DNTTIP2: variants seen among roughly 807,000 people sequenced by gnomAD.
DNTTIP2 encodes deoxynucleotidyltransferase terminal interacting protein 2.
DNTTIP2 carries 47 observed loss-of-function variants against 62.4 expected under a neutral mutation model. The observed-to-expected ratio is 0.75, with a 90% CI of 0.60 to 0.96. DNTTIP2 has a LOEUF of 0.96. Ranked by LOEUF, DNTTIP2 falls within the 40% of genes least tolerant of loss-of-function variation. The pLI, the probability that DNTTIP2 is intolerant of heterozygous loss-of-function variation, is 0.00. For missense variants in DNTTIP2, 870 were observed against 849.1 expected, an observed-to-expected ratio of 1.02 and a Z score of -0.31; for synonymous variants, 322 against 300.9, an observed-to-expected ratio of 1.07 and a Z score of -0.73.
At position 93,875,431 on chromosome 1, in the gene DNTTIP2, GGAACACTGACCCTGTATT is replaced by G. The variant is rs1278617195; in HGVS notation, c.1806+196_1806+213del. Among the ~76,000 whole-genome samples, 5 of 152,108 alleles carry G rather than the reference GGAACACTGACCCTGTATT, an allele frequency of 3.3e-5. 1 individual carries two copies. The highest frequency in any genetic ancestry group is 7.3e-5 in the Non-Finnish European group (5 of 68,030). On this transcript the variant is annotated intron_variant, in intron 3 of 6. Coordinates refer to ENST00000436063, the MANE Select transcript of DNTTIP2 (RefSeq NM_014597.5). ...ATCATAATTGGTGGGTGTAAGATGA[GGAACACTGACCCTGTATT>G]GATTTATTTTTAAAGCATTATCATT... is the stretch of plus-strand genomic sequence containing the variant.
rs770091537 is a variant in DNTTIP2, at chr1:93,876,449, CAGG to C, written c.1483_1485del (p.Pro495del). The C allele has an allele frequency of 6.2e-6, 10 of 1,613,684 alleles. No homozygotes were observed. In the East Asian group the frequency reaches 1.1e-4, roughly 18 times the overall value. Reference sequence around the variant, plus strand: ...TAAAAATTTTTATCAGCACTCATTCCAGGAGTTGTGTCAATTACAAACAATGCA... The same window carrying C: ...TAAAAATTTTTATCAGCACTCATTCCAGTTGTGTCAATTACAAACAATGCA... On this transcript the variant is annotated inframe_deletion, in exon 2 of 7. Coordinates refer to ENST00000436063, the MANE Select transcript of DNTTIP2 (RefSeq NM_014597.5).
intron 3 of DNTTIP2, chr1:93,873,430 A>C (rs1351611202): frequency 1.2e-4 from 32 of 277,056 alleles, no homozygotes; most frequent in Non-Finnish European, 1.8e-4. Flanking sequence ...TGACTGTAAA[A>C]AAAAAAAAAA....
intron 5 of DNTTIP2, among the ~76,000 whole-genome samples, chr1:93,871,402 T>C (rs181612372): frequency 3.4e-4 from 52 of 152,334 alleles, no homozygotes; most frequent in African/African-American, 1.2e-3. Flanking sequence ...AAGTGACCAA[T>C]TGTACCTAAG....
At position 93,877,325 on chromosome 1, in the gene DNTTIP2, T is replaced by C. The variant is rs747258897; in HGVS notation, c.610A>G (p.Arg204Gly). The change falls in exon 2 of 7, where the codon AGG (arginine) becomes GGG (glycine). Residue 204 changes from arginine to glycine, a missense_variant. Physicochemically the swap from Arg to Gly is moderately radical, Grantham distance 125. Transcript: ENST00000436063. ...GCCTTTAATTTCCTCTGCATACTCCTGGTTCTTCTAGTTGCAATTCCAGAG... is the reference window on the plus strand; with the variant it reads ...GCCTTTAATTTCCTCTGCATACTCCCGGTTCTTCTAGTTGCAATTCCAGAG... The part of the protein sequence containing the change: ...SFSGIATRRT[R>G]SMQRKLKAQT... 1.2e-6 allele frequency: 2 copies of C among 1,613,718 alleles called. No homozygotes were observed. Among genetic ancestry groups the C allele is most frequent in the Non-Finnish European group, 1.7e-6 (2 of 1,179,838 alleles).
rs1488413254 is a variant in DNTTIP2, at chr1:93,869,777, G to T, written c.*74C>A. ...CTATGGTAAATTAATTTAGATGATG[G>T]TGTTAGTTTTCCAAACGTCTTTAAT... On this transcript the variant is annotated 3_prime_UTR_variant, in exon 7 of 7. Transcript: ENST00000436063. 1.4e-6 allele frequency: 1 copy of T among 722,610 alleles called. No homozygotes were observed. The highest frequency in any genetic ancestry group is 2.5e-5 in the East Asian group (1 of 39,852). The allele number at this position is 722,610 out of a possible 1,614,324, so 44.8% of individuals were successfully genotyped here.
intron 1 of DNTTIP2, among the ~76,000 whole-genome samples, chr1:93,878,175 G>A (rs1283455059): frequency 1.3e-5 from 2 of 152,006 alleles, no homozygotes; most frequent in Non-Finnish European, 1.5e-5. Flanking sequence ...GTGTTGGTGC[G>A]CACCTGTAAT....
chr1:93,873,109 C>T lies in DNTTIP2; in HGVS notation c.1902+10G>A. 6.3e-7 allele frequency: 1 copy of T among 1,578,904 alleles called. No homozygotes were observed. Among genetic ancestry groups the T allele is most frequent in the Non-Finnish European group, 8.7e-7 (1 of 1,152,258 alleles). ...ATATCTAAGCATTTTAATTAAGTCA[C>T]TGTACTTACTCTGCGTTTTTTCTGA... On this transcript the variant is annotated intron_variant, in intron 4 of 6. Coordinates refer to ENST00000436063, the MANE Select transcript of DNTTIP2 (RefSeq NM_014597.5).
Position 93,879,071 on chromosome 1 carries a change from TCCTA to T in DNTTIP2, c.72+2_72+5del. 6.2e-7 allele frequency: 1 copy of T among 1,613,586 alleles called. No homozygotes were observed. The highest frequency in any genetic ancestry group is 8.5e-7 in the Non-Finnish European group (1 of 1,179,854). On this transcript the variant is annotated splice_donor_variant and splice_donor_5th_base_variant and intron_variant, in intron 1 of 6. Transcript: ENST00000436063. LOFTEE classifies it high-confidence loss of function. ...GGCGAGAAGTAGGGAAGACTGGATT[TCCTA>T]CCTTTTGCCCGGAACTTTCAGCCGA...
rs2100881479 is a variant in DNTTIP2 at position 93,869,667 on chromosome 1, T to TA, written c.*183dup. On this transcript the variant is annotated 3_prime_UTR_variant, in exon 7 of 7. Transcript: ENST00000436063. ...AGAGTCTACACCAGGGTGGGTCTTT[T>TA]AGACACCCCTATTTTCTAAGGGCAT... is the stretch of plus-strand genomic sequence containing the variant. 2 of 533,156 alleles carry TA rather than the reference T, an allele frequency of 3.8e-6. No homozygotes were observed. The highest frequency in any genetic ancestry group is 6.9e-6 in the Non-Finnish European group (2 of 291,394). The allele number at this position is 533,156 out of a possible 1,614,324, so 33.0% of individuals were successfully genotyped here. A position where few individuals can be genotyped will look rare whatever the true frequency, so the allele number is the denominator to read the frequency against.
chr1:93,870,587 ATAAAT>A, intron 6 of DNTTIP2, 91 bp downstream of exon 6: 1 of 600,016 alleles, frequency 1.7e-6, no homozygotes, highest in Non-Finnish European at 2.7e-6. Context: ...ATGGGTTATT[ATAAAT>A]GAGTTATTTT....
At position 93,876,898 on chromosome 1, in the gene DNTTIP2, T is replaced by C. The variant is rs1656025671; in HGVS notation, c.1037A>G (p.Asn346Ser). 6.2e-7 allele frequency: 1 copy of C among 1,613,764 alleles called. No homozygotes were observed. The highest frequency in any genetic ancestry group is 1.7e-5 in the Admixed American group (1 of 59,996). Residue 346 changes from asparagine to serine, a missense_variant, in exon 2 of 7, where the codon AAT becomes AGT. Physicochemically the swap from Asn to Ser is conservative, Grantham distance 46. Coordinates refer to ENST00000436063, the MANE Select transcript of DNTTIP2 (RefSeq NM_014597.5). ...CAGATTAGAGTGCACTGATACAGCATTTTTATTTTGGGGGGTTGAATGTCT... is the reference window on the plus strand; with the variant it reads ...CAGATTAGAGTGCACTGATACAGCACTTTTATTTTGGGGGGTTGAATGTCT... The part of the protein sequence containing the change: ...SQRHSTPQNK[N>S]AVSVHSNLNS...
At position 93,879,156 on chromosome 1, in the gene DNTTIP2, G is replaced by A. The variant is rs367991817; in HGVS notation, c.-8C>T. On this transcript the variant is annotated 5_prime_UTR_variant, in exon 1 of 7. Transcript: ENST00000436063. ...AGATCTGGTAACCACCATCTTTCCGGCTCCCTCGCGACCACCACGACTTCC... is the reference window on the plus strand; with the variant it reads ...AGATCTGGTAACCACCATCTTTCCGACTCCCTCGCGACCACCACGACTTCC... 1.6e-4 allele frequency: 264 copies of A among 1,611,476 alleles called. No homozygotes were observed. The highest frequency in any genetic ancestry group is 9.2e-4 in the South Asian group (84 of 90,992).
At position 93,868,657 on chromosome 1, in the gene DNTTIP2, C is replaced by CG. The variant is rs1432435147; in HGVS notation, c.*1193_*1194insC. 1 of 152,208 alleles carries CG rather than the reference C, an allele frequency of 6.6e-6. No individual in the cohort carries two copies. The highest frequency in any genetic ancestry group is 1.9e-4 in the East Asian group (1 of 5,198). The allele number at this position is 152,208 out of a possible 1,614,324, so 9.4% of individuals were successfully genotyped here. A position where few individuals can be genotyped will look rare whatever the true frequency, so the allele number is the denominator to read the frequency against. On this transcript the variant is annotated 3_prime_UTR_variant, in exon 7 of 7. Coordinates refer to ENST00000436063, the MANE Select transcript of DNTTIP2 (RefSeq NM_014597.5). ...TGTGGCACATATACACCATGGAATA[C>CG]TATGTGGCCATAAAAAAGCATGAGT... is the stretch of plus-strand genomic sequence containing the variant.
intron 1 of DNTTIP2, among the ~76,000 whole-genome samples, 173 bp from the exon 2 acceptor site, chr1:93,878,035 G>A (rs1390395820): frequency 2.0e-5 from 3 of 152,136 alleles, no homozygotes; most frequent in African/African-American, 7.2e-5. Context: ...GGCCGGGCGC[G>A]GTGGCTTACG....
chr1:93,866,296 A>G lies in DNTTIP2; in HGVS notation c.*3555T>C, dbSNP rs1655723612. ...GTGACAATGAGAATAATTGCACTTT[A>G]CATTTTAATTAGACAGATGCTTGGG... On this transcript the variant is annotated 3_prime_UTR_variant, in exon 7 of 7. Transcript: ENST00000436063. 3 of 152,232 alleles carry G rather than the reference A, an allele frequency of 2.0e-5. No homozygotes were observed. The highest frequency in any genetic ancestry group is 2.0e-4 in the Admixed American group (3 of 15,288). The allele number at this position is 152,232 out of a possible 1,614,324, so 9.4% of individuals were successfully genotyped here.
rs761311700 is a variant in DNTTIP2, at chr1:93,875,814, G to A, written c.1668-31C>T. 1.2e-5 allele frequency: 19 copies of A among 1,584,156 alleles called. No individual in the cohort carries two copies. In the Admixed American group the frequency reaches 3.2e-4, roughly 26 times the overall value. On this transcript the variant is annotated intron_variant, in intron 2 of 6. Coordinates refer to ENST00000436063, the MANE Select transcript of DNTTIP2 (RefSeq NM_014597.5). ...AAAGAAATCATCACTTAAAGATCAA[G>A]TAATTAAATCAAAATGGAAACATAT...
rs763929480 is a variant in DNTTIP2 at position 93,876,516 on chromosome 1, C to T, written c.1419G>A (p.Glu473=). 6.2e-7 allele frequency: 1 copy of T among 1,613,974 alleles called. No individual in the cohort carries two copies. Among genetic ancestry groups the T allele is most frequent in the East Asian group, 2.2e-5 (1 of 44,872 alleles). The part of the protein sequence containing the change: ...LCFVENSGQR[E]SLSGDTGSLS... ...GACTTCCTGTGTCTCCACTTAATGA[C>T]TCCCTTTGGCCACTATTTTCAACAA... Residue 473 remains glutamate (E), a synonymous_variant, in exon 2 of 7, where the codon GAG becomes GAA. Coordinates refer to ENST00000436063, the MANE Select transcript of DNTTIP2 (RefSeq NM_014597.5).
rs1487326768 is a variant in DNTTIP2 at position 93,866,586 on chromosome 1, C to G, written c.*3265G>C. ...AACTTGCTGTTTCTAAGAATGGGAT[C>G]CTATTAATGTATACCAGTTACTAAG... is the stretch of plus-strand genomic sequence containing the variant. On this transcript the variant is annotated 3_prime_UTR_variant, in exon 7 of 7. Coordinates refer to ENST00000436063, the MANE Select transcript of DNTTIP2 (RefSeq NM_014597.5). 2 of 152,022 alleles carry G rather than the reference C, an allele frequency of 1.3e-5. No homozygotes were observed. Among genetic ancestry groups the G allele is most frequent in the Non-Finnish European group, 2.9e-5 (2 of 67,996 alleles). The allele number at this position is 152,022 out of a possible 1,614,324, so 9.4% of individuals were successfully genotyped here.
chr1:93,875,517 G>C, intron 3 of DNTTIP2, 128 bp downstream of exon 3: 1 of 869,148 alleles, frequency 1.2e-6, no homozygotes, highest in Non-Finnish European at 1.7e-6. Flanking sequence ...CTGTTTTAGA[G>C]AGAAGGAAAA....
Sources: gnomAD v4.1 joint callset for allele counts (sites outside exome capture counted in the v4.1 genomes callset) on GRCh38, gnomAD v4.1.1 for gene constraint, MANE v1.5 for transcripts, NCBI Gene and HGNC (gene_info 2026-07-23, HGNC 2026-07-21) for gene names.